TAOK3: variants seen among roughly 807,000 people sequenced by gnomAD.
TAOK3 encodes TAO kinase 3.
Under a neutral mutation model 120.4 loss-of-function variants are expected in TAOK3, and 40 were observed. The ratio of observed to expected loss-of-function variants is 0.33; its 90% CI spans 0.26 to 0.43. TAOK3 has a LOEUF of 0.43. Ranked by LOEUF, TAOK3 falls within the 20% of genes least tolerant of loss-of-function variation. TAOK3 has a pLI of 1.00. For synonymous variants in TAOK3, 355 were observed against 387.5 expected (o/e 0.92, Z 0.99); for missense variants, 821 against 1,112.1 (o/e 0.74, Z 3.72).
At chr12:118,291,902 C>T (rs566805770) in intron 1 of TAOK3, among the ~76,000 whole-genome samples, 1 of 152,244 alleles carries the variant, frequency 6.6e-6, no homozygotes, top group Non-Finnish European at 1.5e-5. Context: ...GCAAGCTCCA[C>T]CTCCGGGTTC....
intron 17 of TAOK3, among the ~76,000 whole-genome samples, chr12:118,164,546 T>C (rs1448500220): frequency 6.6e-6 from 1 of 151,648 alleles, no homozygotes; most frequent in African/African-American, 2.4e-5. Context: ...GCCTCCCGAG[T>C]AGCTGGGATT....
At chr12:118,199,016 A>G (rs2037884876) in intron 13 of TAOK3, 35 bp downstream of exon 13, 1 of 1,611,380 alleles carries the variant, frequency 6.2e-7, no homozygotes, top group African/African-American at 1.3e-5. Context: ...ATGATTGACA[A>G]AGCTCACCTC....
chr12:118,217,778 T>C (rs2038981846), intron 9 of TAOK3, among the ~76,000 whole-genome samples: 1 of 140,584 alleles, frequency 7.1e-6, no homozygotes, highest in Non-Finnish European at 1.5e-5. Context: ...TTTATGTATA[T>C]ATGTATATGT....
At chr12:118,315,708 C>T (rs1175724175) in intron 1 of TAOK3, among the ~76,000 whole-genome samples, 2 of 140,842 alleles carry the variant, frequency 1.4e-5, no homozygotes, top group African/African-American at 2.5e-5. Context: ...TAATCCTCCT[C>T]CCCCCAAAAA....
intron 19 of TAOK3, among the ~76,000 whole-genome samples, chr12:118,154,428 A>G (rs1316853606): frequency 2.0e-5 from 3 of 152,104 alleles, no homozygotes; most frequent in Non-Finnish European, 2.9e-5. Flanking sequence ...ACACACATCA[A>G]ATCCATTAAA....
At chr12:118,198,764 C>G (rs912166509) in intron 13 of TAOK3, 1 of 405,622 alleles carries the variant, frequency 2.5e-6, no homozygotes, top group Non-Finnish European at 4.6e-6. Context: ...TGAAGGTCTA[C>G]AGTATTAAGA....
intron 1 of TAOK3, among the ~76,000 whole-genome samples, chr12:118,280,538 T>G (rs1444314980): frequency 1.3e-5 from 2 of 152,244 alleles, no homozygotes; most frequent in Admixed American, 6.5e-5. Flanking sequence ...CTCTCTATTC[T>G]GTTCCACTGG....
intron 9 of TAOK3, among the ~76,000 whole-genome samples, chr12:118,222,016 T>A (rs544688829): frequency 3.3e-5 from 5 of 152,264 alleles, no homozygotes; most frequent in East Asian, 3.9e-4. Context: ...AAAACAGTAG[T>A]TTCCCTTTAA....
chr12:118,261,340 C>T (rs1281473770), intron 2 of TAOK3, among the ~76,000 whole-genome samples: 2 of 152,106 alleles, frequency 1.3e-5, no homozygotes, highest in Non-Finnish European at 2.9e-5. Context: ...CCATGAACCT[C>T]AAGCACAAGA....
intron 2 of TAOK3, among the ~76,000 whole-genome samples, chr12:118,256,627 T>G (rs1396323093): frequency 2.6e-5 from 4 of 152,234 alleles, no homozygotes; most frequent in African/African-American, 9.6e-5. Flanking sequence ...GTAAAAATTA[T>G]GCCAAATGAA....
At chr12:118,153,863 A>G (rs1459227539) in intron 19 of TAOK3, among the ~76,000 whole-genome samples, 1 of 152,204 alleles carries the variant, frequency 6.6e-6, no homozygotes, top group Non-Finnish European at 1.5e-5. Flanking sequence ...TTCTTTTAGT[A>G]CTTCTGGAGA....
At chr12:118,345,873 C>A (rs1013396372) in intron 1 of TAOK3, among the ~76,000 whole-genome samples, 1 of 152,064 alleles carries the variant, frequency 6.6e-6, no homozygotes, top group East Asian at 1.9e-4. Flanking sequence ...TTGAAAAATC[C>A]ATGCAACAAT....
At chr12:118,228,178 G>A (rs962468478) in intron 9 of TAOK3, among the ~76,000 whole-genome samples, 17 of 144,198 alleles carry the variant, frequency 1.2e-4, no homozygotes, top group South Asian at 2.2e-4. Context: ...TTGAGATGGA[G>A]TTTTGCTCTT....
intron 1 of TAOK3, among the ~76,000 whole-genome samples, chr12:118,271,535 C>T (rs2041699294): frequency 2.0e-5 from 3 of 152,142 alleles, no homozygotes; most frequent in African/African-American, 7.2e-5. Flanking sequence ...AAATAATATT[C>T]CATTATATGG....
intron 16 of TAOK3, among the ~76,000 whole-genome samples, chr12:118,176,899 T>C (rs2036374234): frequency 6.6e-6 from 1 of 152,024 alleles, no homozygotes; most frequent in Non-Finnish European, 1.5e-5. Flanking sequence ...CCTGAGTAGC[T>C]GGGATTACAA....
chr12:118,204,220 T>G (rs148839904), intron 11 of TAOK3, among the ~76,000 whole-genome samples: 36 of 150,618 alleles, frequency 2.4e-4, no homozygotes, highest in African/African-American at 8.6e-4. Context: ...TGAGCCGAGA[T>G]TGCACCACAG....
chr12:118,244,279 T>C (rs897084864), intron 4 of TAOK3, among the ~76,000 whole-genome samples: 2 of 151,752 alleles, frequency 1.3e-5, no homozygotes, highest in African/African-American at 4.8e-5. Flanking sequence ...CCCAGGCTTG[T>C]CTTGAGCTCC....
At chr12:118,159,211 T>C (rs2035046736) in intron 19 of TAOK3, among the ~76,000 whole-genome samples, 1 of 152,178 alleles carries the variant, frequency 6.6e-6, no homozygotes, top group South Asian at 2.1e-4. Flanking sequence ...ATGAATTCCT[T>C]AAAGTTTCTT....
rs960013627 is a variant in TAOK3, at chr12:118,161,329, A to G, written c.2139+459T>C. Among the ~76,000 whole-genome samples the G allele has an allele frequency of 1.3e-5, 2 of 152,210 alleles. No individual in the cohort carries two copies. The highest frequency in any genetic ancestry group is 4.8e-5 in the African/African-American group (2 of 41,460). ...AGTGCAGAAGTGGTAAATGCCTGGC[A>G]CTTATAGATTCATTCCTGATGACCA... On this transcript the variant is annotated intron_variant, in intron 18 of 20. Coordinates refer to ENST00000392533, the MANE Select transcript of TAOK3 (RefSeq NM_016281.4). The surrounding 1 kb of genome is among the most constrained non-coding windows in gnomAD (Gnocchi z 4.5).
Sources: gnomAD v4.1 joint callset for allele counts (sites outside exome capture counted in the v4.1 genomes callset) on GRCh38, gnomAD v4.1.1 for gene constraint, Gnocchi (gnomAD v3.1) non-coding constraint, MANE v1.5 for transcripts, NCBI Gene and HGNC (gene_info 2026-07-23, HGNC 2026-07-21) for gene names.